Variants in ABHD17C observed in about 807,000 individuals in gnomAD.
The protein encoded by ABHD17C is alpha/beta hydrolase domain-containing protein 17C.
A neutral mutation model predicts 27.9 loss-of-function variants in ABHD17C; 11 were observed. The ratio of observed to expected loss-of-function variants is 0.39; its 90% CI spans 0.25 to 0.65. The LOEUF is 0.65. Among genes scored for constraint, ABHD17C ranks in the 30% least tolerant of loss-of-function variants. The probability of loss-of-function intolerance (pLI) is 0.45; values close to 1 mark genes in which losing one functional copy is unlikely to be tolerated. For synonymous variants in ABHD17C, 233 were observed against 209.1 expected (o/e 1.11, Z -0.98); for missense variants, 280 against 470.2 (o/e 0.60, Z 3.74).
intron 1 of ABHD17C, among the ~76,000 whole-genome samples, chr15:80,698,183 G>C (rs370993114): frequency 1.3e-5 from 2 of 149,040 alleles, no homozygotes; most frequent in Admixed American, 1.4e-4. Context: ...TCCTACCTCA[G>C]CCTCCCGAGT....
At chr15:80,752,877 A>G (rs1895383032) in intron 2 of ABHD17C, among the ~76,000 whole-genome samples, 1 of 152,230 alleles carries the variant, frequency 6.6e-6, no homozygotes, top group Non-Finnish European at 1.5e-5. Flanking sequence ...ATGCTTTCAG[A>G]GCCTGAAGCA....
chr15:80,701,947 G>C (rs2759301), intron 1 of ABHD17C, among the ~76,000 whole-genome samples: 1 of 151,640 alleles, frequency 6.6e-6, no homozygotes, highest in Non-Finnish European at 1.5e-5. Context: ...TTGCCTCACC[G>C]TGTGGTTCGG....
At position 80,696,105 on chromosome 15, in the gene ABHD17C, A is replaced by G. The variant is rs571291285; in HGVS notation, c.590+86A>G. The G allele has an allele frequency of 2.1e-3, 2,804 of 1,363,434 alleles. 7 individuals carry two copies. Among genetic ancestry groups the G allele is most frequent in the Non-Finnish European group, 2.4e-3 (2,423 of 1,008,864 alleles). 84.5% of individuals were successfully genotyped at this position (1,363,434 alleles called of 1,614,324 possible). On this transcript the variant is annotated intron_variant, in intron 1 of 2. Coordinates refer to ENST00000258884, the MANE Select transcript of ABHD17C (RefSeq NM_021214.2). ...CTTGGGGCCCCTGGGGCGGCCTGCC[A>G]GGAGAGGGGCCCCTCCTCCGGGGCT...
In ABHD17C at chr15:80,695,738, G is replaced by A. The variant is rs1433880758; in HGVS notation, c.309G>A (p.Glu103=). ...ERADWQYSQR[E]LDAVEVFFSR... ...CCGACTGGCAGTACTCGCAGCGCGA[G>A]CTGGACGCCGTCGAGGTCTTCTTCT... The change falls in exon 1 of 3, where the codon GAG becomes GAA. Residue 103 remains glutamate (E), a synonymous_variant. Transcript: ENST00000258884. The surrounding 1 kb of genome is among the most constrained non-coding windows in gnomAD (Gnocchi z 4.3). 1 of 1,534,500 alleles carries A rather than the reference G, an allele frequency of 6.5e-7. No homozygotes were observed. Among genetic ancestry groups the A allele is most frequent in the Non-Finnish European group, 8.7e-7 (1 of 1,146,590 alleles).
intron 2 of ABHD17C, among the ~76,000 whole-genome samples, chr15:80,752,556 A>G (rs893333163): frequency 6.6e-6 from 1 of 152,242 alleles, no homozygotes; most frequent in Non-Finnish European, 1.5e-5. Context: ...TGTTTCATTA[A>G]ATATTAAAAG....
intron 2 of ABHD17C, among the ~76,000 whole-genome samples, chr15:80,753,647 T>G (rs1217322086): frequency 6.6e-6 from 1 of 152,174 alleles, no homozygotes; most frequent in African/African-American, 2.4e-5. Context: ...TTCAAGCAAT[T>G]CTCCTGCCTC....
At chr15:80,723,130 GTGTATATA>G (rs1450510774) in intron 1 of ABHD17C, among the ~76,000 whole-genome samples, 2 of 74,536 alleles carry the variant, frequency 2.7e-5, no homozygotes, top group African/African-American at 6.2e-5. Context: ...GTTTGTGTGT[GTGTATATA>G]TGTGTGTGTG....
rs563220662 is a variant in ABHD17C, at chr15:80,713,463, A to G, written c.590+17444A>G. Among the ~76,000 whole-genome samples the G allele has an allele frequency of 6.4e-5, 9 of 140,412 alleles. No individual in the cohort carries two copies. The South Asian group carries it at 2.1e-3, about 33-fold the overall frequency. 92.1% of individuals were successfully genotyped at this position (140,412 alleles called of 152,430 possible). A position where few individuals can be genotyped will look rare whatever the true frequency, so the allele number is the denominator to read the frequency against. ...GTCCCATTTGTCCAGAATTAGTGGTATGCCATAAACAGAGCCCTGGTCTGG... is the reference window on the plus strand; with the variant it reads ...GTCCCATTTGTCCAGAATTAGTGGTGTGCCATAAACAGAGCCCTGGTCTGG... On this transcript the variant is annotated intron_variant, in intron 1 of 2. Coordinates refer to ENST00000258884, the MANE Select transcript of ABHD17C (RefSeq NM_021214.2).
Position 80,754,481 on chromosome 15 carries a change from C to T in ABHD17C, c.*111C>T. The T allele has an allele frequency of 2.3e-6, 2 of 860,272 alleles. No individual in the cohort carries two copies. Among genetic ancestry groups the T allele is most frequent in the Non-Finnish European group, 3.5e-6 (2 of 569,036 alleles). 53.3% of individuals were successfully genotyped at this position (860,272 alleles called of 1,614,324 possible). On this transcript the variant is annotated 3_prime_UTR_variant, in exon 3 of 3. Transcript: ENST00000258884. ...TTGATAACCATGAAGAAGTGCCCAA[C>T]CTTTAGGGTGTTCTAATCAAAGAGC...
At chr15:80,748,379 GTACTAATTTACAAA>G in intron 1 of ABHD17C, among the ~76,000 whole-genome samples, 1 of 152,282 alleles carries the variant, frequency 6.6e-6, no homozygotes, top group African/African-American at 2.4e-5. Flanking sequence ...CCAAGTGCTT[GTACTAATTTACAAA>G]GTAACAGCGT....
chr15:80,707,567 C>G (rs919223727), intron 1 of ABHD17C, among the ~76,000 whole-genome samples: 1 of 151,506 alleles, frequency 6.6e-6, no homozygotes, highest in East Asian at 1.9e-4. Flanking sequence ...GATGAGCCCC[C>G]CCTCAAAAAA....
chr15:80,752,817 C>T (rs557129073), intron 2 of ABHD17C, among the ~76,000 whole-genome samples: 1 of 152,322 alleles, frequency 6.6e-6, no homozygotes, highest in South Asian at 2.1e-4. Context: ...AAGTCGCCTA[C>T]ACACCCAGCT....
At chr15:80,705,627 T>G (rs1329375087) in intron 1 of ABHD17C, among the ~76,000 whole-genome samples, 1 of 152,186 alleles carries the variant, frequency 6.6e-6, no homozygotes, top group East Asian at 1.9e-4. Flanking sequence ...AACTAGGTGC[T>G]TAAATCAGAA....
chr15:80,706,352 G>A (rs1042860455), intron 1 of ABHD17C, among the ~76,000 whole-genome samples: 1 of 152,156 alleles, frequency 6.6e-6, no homozygotes, highest in African/African-American at 2.4e-5. Flanking sequence ...ATGCTCAGAC[G>A]GATAGTTAAC....
chr15:80,722,719 A>T (rs529810920), intron 1 of ABHD17C, among the ~76,000 whole-genome samples: 1 of 152,046 alleles, frequency 6.6e-6, no homozygotes, highest in Non-Finnish European at 1.5e-5. Context: ...ACACCTCCCC[A>T]TTACTGTCTC....
At chr15:80,698,590 T>C (rs1258566737) in intron 1 of ABHD17C, among the ~76,000 whole-genome samples, 1 of 152,194 alleles carries the variant, frequency 6.6e-6, no homozygotes, top group Non-Finnish European at 1.5e-5. Flanking sequence ...CATTTGTGTG[T>C]CTTGGTTATT....
chr15:80,732,225 G>A (rs1394945002), intron 1 of ABHD17C, among the ~76,000 whole-genome samples: 1 of 152,206 alleles, frequency 6.6e-6, no homozygotes, highest in African/African-American at 2.4e-5. Flanking sequence ...ACTTGCCCCA[G>A]ACTTTTTAGC....
At chr15:80,722,152 G>T (rs1205371826) in intron 1 of ABHD17C, among the ~76,000 whole-genome samples, 3 of 151,718 alleles carry the variant, frequency 2.0e-5, no homozygotes, top group Non-Finnish European at 2.9e-5. Context: ...TTCAGTTACC[G>T]AGAAGCGCAC....
chr15:80,713,354 C>CTTTTTTTTTTT (rs67320992), intron 1 of ABHD17C, among the ~76,000 whole-genome samples: 924 of 43,854 alleles, frequency 0.021, 220 homozygotes, highest in East Asian at 0.15. Flanking sequence ...AGGTCTTGTT[C>CTTTTTTTTTTT]TTTTTTTTTT....
Sources: gnomAD v4.1 joint callset for allele counts (sites outside exome capture counted in the v4.1 genomes callset) on GRCh38, gnomAD v4.1.1 for gene constraint, Gnocchi (gnomAD v3.1) non-coding constraint, MANE v1.5 for transcripts, NCBI Gene and HGNC (gene_info 2026-07-23, HGNC 2026-07-21) for gene names.